Variants in NCKAP5 observed in about 807,000 individuals in gnomAD.
The protein encoded by NCKAP5 is nck-associated protein 5.
In NCKAP5, 92 loss-of-function variants were observed where a neutral mutation model predicts 167.0. That is an observed-to-expected ratio of 0.55 (90% CI 0.47 to 0.66). NCKAP5 has a LOEUF of 0.66. Ranked by LOEUF, NCKAP5 falls within the 30% of genes least tolerant of loss-of-function variation. NCKAP5 has a pLI of 0.00. For missense variants in NCKAP5, 2,378 were observed against 2,315.0 expected (o/e 1.03, Z -0.56); for synonymous variants, 891 against 877.4 (o/e 1.02, Z -0.27).
chr2:133,412,330 C>T (rs946997006), intron 3 of NCKAP5, among the ~76,000 whole-genome samples: 7 of 152,230 alleles, frequency 4.6e-5, no homozygotes, highest in Admixed American at 3.3e-4. Flanking sequence ...TCTTGGACTT[C>T]CAGACTCCAA....
chr2:132,914,990 C>CAAAAAA (rs11404641), intron 8 of NCKAP5, among the ~76,000 whole-genome samples: 4 of 104,040 alleles, frequency 3.8e-5, no homozygotes, highest in African/African-American at 1.2e-4. Flanking sequence ...AAGCTATGGC[C>CAAAAAA]AAAAAAAAAA....
At chr2:133,517,929 C>A (rs79620983) in intron 2 of NCKAP5, among the ~76,000 whole-genome samples, 1 of 152,138 alleles carries the variant, frequency 6.6e-6, no homozygotes, top group African/African-American at 2.4e-5. Flanking sequence ...TGTTACTGTG[C>A]ACATAGATGC....
At chr2:132,828,151 G>A (rs1365742619) in intron 11 of NCKAP5, among the ~76,000 whole-genome samples, 1 of 152,182 alleles carries the variant, frequency 6.6e-6, no homozygotes, top group Non-Finnish European at 1.5e-5. Context: ...CTGGTGCCTT[G>A]ATCTTGAACT....
At chr2:133,487,461 C>T (rs1681010339) in intron 3 of NCKAP5, among the ~76,000 whole-genome samples, 1 of 152,050 alleles carries the variant, frequency 6.6e-6, no homozygotes, top group South Asian at 2.1e-4. Flanking sequence ...TAGAGCATAC[C>T]CCTTACCGTC....
At chr2:133,136,857 C>T (rs2149819728) in intron 5 of NCKAP5, among the ~76,000 whole-genome samples, 1 of 152,288 alleles carries the variant, frequency 6.6e-6, no homozygotes, top group East Asian at 1.9e-4. Flanking sequence ...ATTCATCAAC[C>T]AACATCCAAT....
intron 6 of NCKAP5, among the ~76,000 whole-genome samples, chr2:133,047,296 C>G (rs535255879): frequency 6.6e-6 from 1 of 152,288 alleles, no homozygotes; most frequent in African/African-American, 2.4e-5. Context: ...CTCAGCAGCC[C>G]CCTGGGCTCG....
chr2:133,587,477 T>C, the NCKAP5 span, among the ~76,000 whole-genome samples: 1 of 152,202 alleles, frequency 6.6e-6, no homozygotes, highest in African/African-American at 2.4e-5. Context: ...ATGAATTGCA[T>C]CTTTCTGGGA....
At chr2:133,593,410 T>C in the NCKAP5 span, among the ~76,000 whole-genome samples, 2 of 151,382 alleles carry the variant, frequency 1.3e-5, no homozygotes, top group South Asian at 2.1e-4. Flanking sequence ...GGACCAATGG[T>C]GTCTTCTGTT....
chr2:133,240,293 A>G (rs141657745), intron 4 of NCKAP5, among the ~76,000 whole-genome samples: 70 of 152,360 alleles, frequency 4.6e-4, no homozygotes, highest in African/African-American at 1.6e-3. Flanking sequence ...ACAATTGGAG[A>G]TAAAAATATA....
In NCKAP5 at chr2:132,861,501, T is replaced by TA. The variant is rs57631683; in HGVS notation, c.688-891dup. Among the ~76,000 whole-genome samples, 173 of 150,344 alleles carry TA rather than the reference T, an allele frequency of 1.2e-3. 1 individual carries two copies. Among genetic ancestry groups the TA allele is most frequent in the African/African-American group, 3.7e-3 (152 of 41,184 alleles). On this transcript the variant is annotated intron_variant, in intron 10 of 19. Transcript: ENST00000409261. ...ATCTTTCACTACTTCCTGATGTTAA[T>TA]AAAAAAAAAAATGTCTTCTGTTCTC...
chr2:132,782,369 T>C lies in NCKAP5; in HGVS notation c.4442A>G (p.Gln1481Arg), dbSNP rs555714912. 1 of 1,614,052 alleles carries C rather than the reference T, an allele frequency of 6.2e-7. No homozygotes were observed. The highest frequency in any genetic ancestry group is 1.1e-5 in the South Asian group (1 of 91,076). The change falls in exon 14 of 20, where the codon CAG becomes CGG. Residue 1481 changes from glutamine (Q) to arginine (R), a missense_variant. Physicochemically the swap from Gln to Arg is conservative, Grantham distance 43 (BLOSUM62 1). This residue lies in a region of NCKAP5 where 1,325 missense variants were observed against 1,274.5 expected (regional missense o/e 1.04). Transcript: ENST00000409261. ...TIEEKVMLCI[Q>R]ENVEKGQVQT... ...CACTTGGCCCTTTTCCACATTTTCC[T>C]GAATGCACAACATGACCTTTTCTTC...
intron 8 of NCKAP5, among the ~76,000 whole-genome samples, chr2:132,941,920 C>T (rs1363735446): frequency 1.3e-5 from 2 of 152,236 alleles, no homozygotes; most frequent in South Asian, 2.1e-4. Flanking sequence ...ATGTCATATT[C>T]TTCCCTCGGG....
At chr2:133,075,729 A>G (rs2080578906) in intron 6 of NCKAP5, among the ~76,000 whole-genome samples, 1 of 152,208 alleles carries the variant, frequency 6.6e-6, no homozygotes, top group Admixed American at 6.5e-5. Flanking sequence ...CATTTGAAAA[A>G]CAATAGATAG....
intron 16 of NCKAP5, among the ~76,000 whole-genome samples, chr2:132,740,931 G>A (rs1265378335): frequency 1.3e-5 from 2 of 152,014 alleles, no homozygotes; most frequent in Non-Finnish European, 2.9e-5. Flanking sequence ...AAAAGAAGTG[G>A]CATCTCAGGC....
intron 8 of NCKAP5, among the ~76,000 whole-genome samples, chr2:132,929,354 T>G (rs1319881382): frequency 6.6e-6 from 1 of 152,220 alleles, no homozygotes; most frequent in Non-Finnish European, 1.5e-5. Context: ...ATGCAGAATA[T>G]TCTCAAAATT....
At chr2:133,144,550 C>A (rs530422612) in intron 5 of NCKAP5, among the ~76,000 whole-genome samples, 1 of 151,984 alleles carries the variant, frequency 6.6e-6, no homozygotes, top group Non-Finnish European at 1.5e-5. Context: ...ACCTCTTCCC[C>A]GAAACTTAAT....
intron 16 of NCKAP5, among the ~76,000 whole-genome samples, chr2:132,771,351 G>A (rs968972520): frequency 2.0e-5 from 3 of 152,096 alleles, no homozygotes; most frequent in Admixed American, 6.6e-5. Flanking sequence ...TACAGAATAA[G>A]GATATAAAAA....
rs574837865 is a variant in NCKAP5 at position 133,456,292 on chromosome 2, T to C, written c.69+61166A>G. Among the ~76,000 whole-genome samples the C allele has an allele frequency of 2.6e-5, 4 of 152,284 alleles. No individual in the cohort carries two copies. In the South Asian group the frequency reaches 6.2e-4, roughly 24 times the overall value. ...AAAGGAGTAGCAATTATGATGTAAG[T>C]AGGAGGCACTGATTGCCATCGTGTG... On this transcript the variant is annotated intron_variant, in intron 3 of 19. Transcript: ENST00000409261.
intron 3 of NCKAP5, among the ~76,000 whole-genome samples, chr2:133,493,059 C>T (rs1681608527): frequency 6.6e-6 from 1 of 152,232 alleles, no homozygotes; most frequent in South Asian, 2.1e-4. Context: ...AGCCTCAGAT[C>T]TTCTACCTGA....
Sources: allele counts gnomAD v4.1 joint callset (sites outside exome capture counted in the v4.1 genomes callset), GRCh38; gene constraint gnomAD v4.1.1; regional missense constraint gnomAD v4.1.1; transcripts MANE v1.5; gene names NCBI Gene and HGNC (gene_info 2026-07-23, HGNC 2026-07-21).